Variants in PKHD1 observed in about 807,000 individuals in gnomAD.
PKHD1 encodes the protein fibrocystin.
In PKHD1, 291 loss-of-function variants were observed where a neutral mutation model predicts 412.0. The observed-to-expected ratio is 0.71, with a 90% confidence interval of 0.64 to 0.78. The LOEUF (loss-of-function observed/expected upper bound fraction) is 0.78, where lower values mean the gene tolerates loss of function less well. Ranked by LOEUF, PKHD1 falls within the 30% of genes least tolerant of loss-of-function variation. PKHD1 has a pLI of 0.00. For missense variants in PKHD1, 4,825 were observed against 4,950.7 expected (o/e 0.97, Z 0.76); for synonymous variants, 1,777 against 1,821.5 (o/e 0.98, Z 0.62).
intron 17 of PKHD1, 43 bp from the exon 18 acceptor site, chr6:52,056,831 A>G: frequency 1.9e-6 from 3 of 1,586,892 alleles, no homozygotes; most frequent in Non-Finnish European, 2.6e-6. Flanking sequence ...TATCATGAGC[A>G]TAAAGACCAC....
chr6:51,665,032 A>G (rs1773503698), intron 60 of PKHD1, among the ~76,000 whole-genome samples: 1 of 152,110 alleles, frequency 6.6e-6, no homozygotes, highest in Admixed American at 6.6e-5. Context: ...TTTTGATTCA[A>G]GATAAGAATA....
intron 2 of PKHD1, among the ~76,000 whole-genome samples, chr6:52,084,283 C>CG (rs1562309595): frequency 6.6e-6 from 1 of 152,232 alleles, no homozygotes; most frequent in Non-Finnish European, 1.5e-5. Context: ...TGGGGAACCA[C>CG]GTCACATTAG....
At chr6:52,041,018 T>A (rs1896988) in intron 27 of PKHD1, among the ~76,000 whole-genome samples, 65,140 of 152,066 alleles carry the variant, frequency 0.43, 15,566 homozygotes, top group Admixed American at 0.56. Context: ...GCCATTCTCA[T>A]TTGAAAGTTT....
Position 52,072,157 on chromosome 6 carries a change from C to T in PKHD1, c.560G>A (p.Trp187Ter), listed in dbSNP as rs1810710453. 6.2e-7 allele frequency: 1 copy of T among 1,609,886 alleles called. No homozygotes were observed. Among genetic ancestry groups the T allele is most frequent in the Non-Finnish European group, 8.5e-7 (1 of 1,176,286 alleles). Residue 187 changes from tryptophan (W) to a stop codon, truncating the protein, a stop_gained, in exon 8 of 67, where the codon TGG (tryptophan) becomes TAG (stop). Coordinates refer to ENST00000371117, the MANE Select transcript of PKHD1 (RefSeq NM_138694.4). LOFTEE classifies it high-confidence loss of function. ...ATTTATAAGAGAGCAAGGAGTAACCCATTTGTCTCCTTGAGCTTCCAAGAT... is the reference window on the plus strand; with the variant it reads ...ATTTATAAGAGAGCAAGGAGTAACCTATTTGTCTCCTTGAGCTTCCAAGAT... ...PVILEAQGDK[W>*]VTPCSLINRQ... is the part of the protein sequence containing the mutation.
intron 50 of PKHD1, among the ~76,000 whole-genome samples, chr6:51,837,433 G>A (rs936070668): frequency 1.8e-4 from 28 of 152,134 alleles, no homozygotes; most frequent in Non-Finnish European, 4.0e-4. Flanking sequence ...GCAGCCAGGC[G>A]CTGTGGCTCA....
intron 64 of PKHD1, 32 bp from the exon 65 acceptor site, chr6:51,632,755 T>C (rs1246226343): frequency 6.4e-7 from 1 of 1,573,122 alleles, no homozygotes; most frequent in Admixed American, 1.7e-5. Context: ...GTTTCAATGA[T>C]ATGTTAATAA....
At chr6:51,812,084 G>A (rs1764767041) in intron 52 of PKHD1, among the ~76,000 whole-genome samples, 1 of 152,156 alleles carries the variant, frequency 6.6e-6, no homozygotes, top group South Asian at 2.1e-4. Context: ...GGAGAGAGCA[G>A]CAGGAATGAG....
chr6:52,066,931 GA>G (rs1262078035), intron 11 of PKHD1, among the ~76,000 whole-genome samples: 5 of 152,020 alleles, frequency 3.3e-5, no homozygotes, highest in Admixed American at 1.3e-4. Flanking sequence ...TTTAAAAAAA[GA>G]AATTACCTAC....
intron 60 of PKHD1, among the ~76,000 whole-genome samples, chr6:51,736,268 A>G (rs1304588741): frequency 1.3e-5 from 2 of 152,232 alleles, no homozygotes; most frequent in African/African-American, 4.8e-5. Flanking sequence ...ATGCCTGTTC[A>G]TATCATCTTT....
chr6:52,086,272 G>A (rs1582177785), intron 1 of PKHD1, among the ~76,000 whole-genome samples: 1 of 151,324 alleles, frequency 6.6e-6, no homozygotes, highest in Non-Finnish European at 1.5e-5. Flanking sequence ...CACCACACCC[G>A]GCTAATTTTT....
At chr6:51,775,439 T>C (rs1225239361) in intron 54 of PKHD1, among the ~76,000 whole-genome samples, 2 of 151,914 alleles carry the variant, frequency 1.3e-5, no homozygotes, top group Non-Finnish European at 2.9e-5. Flanking sequence ...ACAGTGAATG[T>C]TCCTTATTAA....
rs561350073 is a variant in PKHD1, at chr6:51,615,734, A to G, written c.*3347T>C. 8.0e-4 allele frequency: 122 copies of G among 152,342 alleles called. No individual in the cohort carries two copies. Among genetic ancestry groups the G allele is most frequent in the African/African-American group, 2.9e-3 (119 of 41,578 alleles). The allele number at this position is 152,342 out of a possible 1,614,324, so 9.4% of individuals were successfully genotyped here. A position where few individuals can be genotyped will look rare whatever the true frequency, so the allele number is the denominator to read the frequency against. ...TTCATATATTTGGAGTAAGACTGAT[A>G]GATGGAAGGGAGTCATTCAACTAAA... On this transcript the variant is annotated 3_prime_UTR_variant, in exon 67 of 67. Transcript: ENST00000371117.
At chr6:51,747,717 A>T in intron 58 of PKHD1, 70 bp downstream of exon 58, 1 of 1,357,482 alleles carries the variant, frequency 7.4e-7, no homozygotes, top group Non-Finnish European at 1.1e-6. Flanking sequence ...ATAAAATTTC[A>T]GAATGCCATT....
intron 22 of PKHD1, 27 bp from the exon 23 acceptor site, chr6:52,048,646 A>C: frequency 6.2e-7 from 1 of 1,613,534 alleles, no homozygotes; most frequent in Non-Finnish European, 8.5e-7. Context: ...ACAAAGTATT[A>C]ACGTCTGGGT....
At chr6:51,882,311 C>T (rs1490840730) in intron 46 of PKHD1, among the ~76,000 whole-genome samples, 1 of 152,006 alleles carries the variant, frequency 6.6e-6, no homozygotes, top group African/African-American at 2.4e-5. Context: ...GGAGATTTTA[C>T]TAAGAAAAGT....
At chr6:51,824,851 G>A (rs183188316) in intron 52 of PKHD1, among the ~76,000 whole-genome samples, 5 of 152,226 alleles carry the variant, frequency 3.3e-5, no homozygotes, top group Non-Finnish European at 5.9e-5. Flanking sequence ...AACAACTACC[G>A]TCCATTCCCA....
chr6:51,804,366 G>T (rs1247207084), intron 52 of PKHD1, among the ~76,000 whole-genome samples: 2 of 103,558 alleles, frequency 1.9e-5, no homozygotes, highest in African/African-American at 7.1e-5. Context: ...CATTGGGGGG[G>T]GGGGGGGCGG....
intron 36 of PKHD1, among the ~76,000 whole-genome samples, chr6:51,953,896 G>T (rs1308551475): frequency 6.6e-6 from 1 of 151,958 alleles, no homozygotes; most frequent in African/African-American, 2.4e-5. Context: ...GGAGAATGCC[G>T]GCAAGCAAAT....
At position 51,749,074 on chromosome 6, in the gene PKHD1, C is replaced by T. The variant is rs564921297; in HGVS notation, c.8951-409G>A. 5.3e-5 allele frequency among the ~76,000 whole-genome samples: 8 copies of T among 152,150 alleles called. No individual in the cohort carries two copies. The East Asian group carries it at 1.3e-3, about 26-fold the overall frequency. On this transcript the variant is annotated intron_variant, in intron 57 of 66. Transcript: ENST00000371117. ...CCCTCTCAGTGTCTCAGTGACACCA[C>T]GTGAAAGGCCACAGCCATTCCCAAG...
Sources: allele counts gnomAD v4.1 joint callset (sites outside exome capture counted in the v4.1 genomes callset), GRCh38; gene constraint gnomAD v4.1.1; transcripts MANE v1.5; gene names NCBI Gene and HGNC (gene_info 2026-07-23, HGNC 2026-07-21).